The following RGS10 variants were observed in gnomAD, a reference collection of about 807,000 sequenced individuals.
The protein encoded by RGS10 is regulator of G protein signaling 10.
A neutral mutation model predicts 23.5 loss-of-function variants in RGS10; 11 were observed. The ratio of observed to expected loss-of-function variants is 0.47; its 90% confidence interval spans 0.29 to 0.77. The LOEUF (loss-of-function observed/expected upper bound fraction) is 0.77. RGS10 is among the 30% of genes least tolerant of loss of function. The pLI, the probability that RGS10 is intolerant of heterozygous loss-of-function variation, is 0.08. For synonymous variants in RGS10, 77 were observed against 83.2 expected, an observed-to-expected ratio of 0.92 and a Z score of 0.41; for missense variants, 180 against 226.3, an observed-to-expected ratio of 0.80 and a Z score of 1.31.
intron 1 of RGS10, among the ~76,000 whole-genome samples, chr10:119,535,965 T>A (rs962600004): frequency 6.6e-6 from 1 of 152,228 alleles, no homozygotes; most frequent in African/African-American, 2.4e-5. Context: ...GTACATTTTT[T>A]AAAAAGTCCT....
chr10:119,518,662 C>A (rs963698969), intron 3 of RGS10, among the ~76,000 whole-genome samples: 1 of 151,972 alleles, frequency 6.6e-6, no homozygotes, highest in Non-Finnish European at 1.5e-5. Context: ...TCCCCCTTGA[C>A]CCCACAGCTC....
chr10:119,505,712 G>A lies in RGS10; in HGVS notation c.400-5453C>T, dbSNP rs373929837. 5.9e-5 allele frequency among the ~76,000 whole-genome samples: 9 copies of A among 152,286 alleles called. No individual in the cohort carries two copies. The South Asian group carries it at 1.2e-3, about 21-fold the overall frequency. ...GTCCCCCTGACGCATACTCATCTGT[G>A]CAGAAACGAGGACCTCAACCAGCCT... On this transcript the variant is annotated intron_variant, in intron 4 of 4. Transcript: ENST00000369103.
intron 4 of RGS10, among the ~76,000 whole-genome samples, chr10:119,501,533 G>A (rs1843952983): frequency 6.6e-6 from 1 of 152,072 alleles, no homozygotes; most frequent in South Asian, 2.1e-4. Context: ...GACCAGCCTG[G>A]CCAATATGGT....
chr10:119,529,956 G>A (rs1474179581), intron 1 of RGS10, among the ~76,000 whole-genome samples: 1 of 152,084 alleles, frequency 6.6e-6, no homozygotes, highest in Admixed American at 6.6e-5. Flanking sequence ...GCTGGGCATG[G>A]TGGTGGATGT....
intron 1 of RGS10, among the ~76,000 whole-genome samples, chr10:119,528,186 G>A (rs12414557): frequency 0.046 from 6,911 of 151,730 alleles, 307 homozygotes; most frequent in East Asian, 0.13. Context: ...GATTCCCACC[G>A]CACCCAGCTA....
chr10:119,519,597 GT>G lies in RGS10; in HGVS notation c.256-3946del, dbSNP rs1564712235. Among the ~76,000 whole-genome samples, 111 of 93,164 alleles carry G rather than the reference GT, an allele frequency of 1.2e-3. 17 individuals are homozygous for G. The highest frequency in any genetic ancestry group is 0.01 in the Middle Eastern group (1 of 96). The allele number at this position is 93,164 out of a possible 152,430, so 61.1% of individuals were successfully genotyped here. A position where few individuals can be genotyped will look rare whatever the true frequency, so the allele number is the denominator to read the frequency against. ...TCTCCCAGCTTCTGTCTCCCTATCT[GT>G]CCCCCAGCTCCTGTCTCCCTGTATC... On this transcript the variant is annotated intron_variant, in intron 3 of 4. Coordinates refer to ENST00000369103, the MANE Select transcript of RGS10 (RefSeq NM_001005339.2).
chr10:119,537,382 C>CAAAA (rs56219523), intron 1 of RGS10, among the ~76,000 whole-genome samples: 6 of 131,330 alleles, frequency 4.6e-5, no homozygotes, highest in Non-Finnish European at 7.9e-5. Context: ...AACTCCGTCT[C>CAAAA]AAAAAAAAAA....
intron 3 of RGS10, chr10:119,516,534 C>CGCAAGACACA (rs1844146334): frequency 6.6e-6 from 1 of 151,390 alleles, no homozygotes; most frequent in African/African-American, 2.5e-5. Context: ...CACATTGGCC[C>CGCAAGACACA]CTCCAGGTTG....
At chr10:119,539,384 C>T (rs898267502) in intron 1 of RGS10, among the ~76,000 whole-genome samples, 36 of 152,224 alleles carry the variant, frequency 2.4e-4, no homozygotes, top group African/African-American at 4.6e-4. Context: ...GAAACCTGCC[C>T]GGCAGGGTGG....
At chr10:119,505,528 C>T (rs990841578) in intron 4 of RGS10, among the ~76,000 whole-genome samples, 1 of 152,052 alleles carries the variant, frequency 6.6e-6, no homozygotes, top group Non-Finnish European at 1.5e-5. Context: ...CAACTCTGCA[C>T]AACCGTCCTG....
At chr10:119,515,695 C>A (rs1389981974) in intron 3 of RGS10, 43 bp from the exon 4 acceptor site, 11 of 1,608,628 alleles carry the variant, frequency 6.8e-6, no homozygotes, top group Admixed American at 3.3e-5. Context: ...GCACACACAG[C>A]CTTCCCGGCC....
At chr10:119,537,014 T>C (rs970012921) in intron 1 of RGS10, among the ~76,000 whole-genome samples, 1 of 152,166 alleles carries the variant, frequency 6.6e-6, no homozygotes, top group African/African-American at 2.4e-5. Context: ...ATATATTTTA[T>C]AGTGATAAAC....
At chr10:119,502,063 A>G (rs1843958630) in intron 4 of RGS10, among the ~76,000 whole-genome samples, 1 of 152,012 alleles carries the variant, frequency 6.6e-6, no homozygotes, top group South Asian at 2.1e-4. Flanking sequence ...CCTGTGCCAC[A>G]CTAGAGCAGT....
At chr10:119,542,006 G>T (rs1844438944) in intron 1 of RGS10, among the ~76,000 whole-genome samples, 1 of 152,258 alleles carries the variant, frequency 6.6e-6, no homozygotes, top group Non-Finnish European at 1.5e-5. Context: ...GACGGCCAAG[G>T]CGAATCCTTC....
chr10:119,501,544 G>A (rs1402407463), intron 4 of RGS10, among the ~76,000 whole-genome samples: 1 of 152,072 alleles, frequency 6.6e-6, no homozygotes, highest in Non-Finnish European at 1.5e-5. Context: ...CCAATATGGT[G>A]AAACCCCGTC....
At chr10:119,535,510 C>T (rs773264120) in intron 1 of RGS10, among the ~76,000 whole-genome samples, 1 of 152,176 alleles carries the variant, frequency 6.6e-6, no homozygotes, top group African/African-American at 2.4e-5. Context: ...CAGAGACCTT[C>T]TCCAGACATT....
At chr10:119,509,414 C>A (rs551595841) in intron 4 of RGS10, among the ~76,000 whole-genome samples, 2 of 151,586 alleles carry the variant, frequency 1.3e-5, no homozygotes, top group Admixed American at 1.3e-4. Context: ...CATAGTGAGA[C>A]CCCATCTTTA....
intron 4 of RGS10, among the ~76,000 whole-genome samples, chr10:119,513,833 A>AT (rs999440822): frequency 5.9e-5 from 9 of 152,200 alleles, no homozygotes; most frequent in Admixed American, 1.3e-4. Flanking sequence ...TGGCAGAGCA[A>AT]CACAGGCCAT....
chr10:119,521,426 T>C (rs958774166), intron 3 of RGS10, among the ~76,000 whole-genome samples: 6 of 151,282 alleles, frequency 4.0e-5, no homozygotes, highest in Non-Finnish European at 8.9e-5. Context: ...CAAAATTAGC[T>C]GGGTGTGTTG....
Sources: allele counts gnomAD v4.1 joint callset (sites outside exome capture counted in the v4.1 genomes callset), GRCh38; gene constraint gnomAD v4.1.1; transcripts MANE v1.5; gene names NCBI Gene and HGNC (gene_info 2026-07-23, HGNC 2026-07-21).